Variants in C19orf38 observed in about 807,000 individuals in gnomAD.
C19orf38 encodes chromosome 19 open reading frame 38.
C19orf38 carries 14 observed loss-of-function variants against 26.6 expected under a neutral mutation model. The observed-to-expected ratio is 0.53, with a 90% confidence interval of 0.35 to 0.82. The LOEUF (loss-of-function observed/expected upper bound fraction) is 0.82. Among genes scored for constraint, C19orf38 ranks in the 40% least tolerant of loss-of-function variants. C19orf38 has a pLI of 0.01. For missense variants in C19orf38, 261 were observed against 299.5 expected (o/e 0.87, Z 0.95); for synonymous variants, 132 against 128.5 (o/e 1.03, Z -0.18).
In C19orf38 at chr19:10,841,797, ATCCCATC is replaced by A. The variant is rs1345673304; in HGVS notation, c.-69+5031_-69+5037del. The A allele has an allele frequency of 8.7e-6, 9 of 1,038,208 alleles. No homozygotes were observed. In the East Asian group the frequency reaches 2.1e-4, roughly 25 times the overall value. 64.3% of individuals were successfully genotyped at this position (1,038,208 alleles called of 1,614,324 possible). On this transcript the variant is annotated intron_variant, in intron 1 of 7. Coordinates refer to the C19orf38 transcript ENST00000592854. ...CGACTAGCCTGGGCAGCATAGTGAG[ATCCCATC>A]TCCACAAAAACATTTTTTAAAAAAT...
intron 4 of C19orf38, among the ~76,000 whole-genome samples, chr19:10,859,248 G>A (rs2073664083): frequency 1.8e-5 from 2 of 110,442 alleles, no homozygotes; most frequent in African/African-American, 7.5e-5. Context: ...TTATATATGT[G>A]TGTGTGTGTG....
intron 3 of C19orf38, among the ~76,000 whole-genome samples, 196 bp from the exon 4 acceptor site, chr19:10,858,120 C>T (rs558267911): frequency 1.4e-5 from 2 of 144,396 alleles, no homozygotes; most frequent in South Asian, 2.2e-4. Flanking sequence ...CCCAGCTACT[C>T]GAGAGGCTGA....
chr19:10,855,298 G>T (rs946986770), intron 2 of C19orf38, among the ~76,000 whole-genome samples: 5 of 151,926 alleles, frequency 3.3e-5, no homozygotes, highest in Non-Finnish European at 5.9e-5. Flanking sequence ...CTCCCAAAGG[G>T]CTGGGATTAC....
intron 2 of C19orf38, among the ~76,000 whole-genome samples, chr19:10,851,704 C>T (rs1480260074): frequency 1.3e-5 from 2 of 151,634 alleles, no homozygotes; most frequent in East Asian, 2.0e-4. Context: ...CGTGGTGGCT[C>T]ACGCCTGTAA....
intron 3 of C19orf38, among the ~76,000 whole-genome samples, chr19:10,857,602 CAG>C (rs1200261950): frequency 9.9e-5 from 15 of 150,844 alleles, no homozygotes; most frequent in Non-Finnish European, 2.1e-4. Flanking sequence ...TTAGTGGAGA[CAG>C]GGTTTCACCA....
At chr19:10,857,359 TA>T (rs1256003974) in intron 3 of C19orf38, among the ~76,000 whole-genome samples, 68 of 87,598 alleles carry the variant, frequency 7.8e-4, no homozygotes, top group African/African-American at 5.1e-3. Context: ...TATATATATA[TA>T]TATATATTTT....
intron 2 of C19orf38, among the ~76,000 whole-genome samples, chr19:10,855,081 A>G (rs2073610639): frequency 7.9e-6 from 1 of 126,778 alleles, no homozygotes. Flanking sequence ...TGTGTCACCC[A>G]GACTGGAAGG....
chr19:10,843,989 T>G (rs1479080282), upstream of C19orf38, among the ~76,000 whole-genome samples: 1 of 152,086 alleles, frequency 6.6e-6, no homozygotes, highest in Non-Finnish European at 1.5e-5. Flanking sequence ...GGTGCATGCC[T>G]GTAATCCCAG....
At chr19:10,843,007 A>T (rs2073490487) in intron 1 of C19orf38, among the ~76,000 whole-genome samples, 1 of 152,136 alleles carries the variant, frequency 6.6e-6, no homozygotes, top group African/African-American at 2.4e-5. Context: ...AATTTTTTTG[A>T]GCGACAGAAC....
At chr19:10,846,373 AT>A (rs980004902), upstream of C19orf38, among the ~76,000 whole-genome samples, 91 of 150,630 alleles carry the variant, frequency 6.0e-4, no homozygotes, top group Non-Finnish European at 1.0e-3. Flanking sequence ...ATTAAAAAAA[AT>A]TTTTTTTTAA....
At chr19:10,839,880 A>G (rs1260454443) in intron 1 of C19orf38, among the ~76,000 whole-genome samples, 2 of 151,980 alleles carry the variant, frequency 1.3e-5, no homozygotes, top group Non-Finnish European at 2.9e-5. Context: ...GCACGCCACC[A>G]CACCTGGCTA....
At chr19:10,840,518 T>TTTTTG (rs1396148700) in intron 1 of C19orf38, among the ~76,000 whole-genome samples, 5 of 152,112 alleles carry the variant, frequency 3.3e-5, no homozygotes, top group South Asian at 2.1e-4. Flanking sequence ...TTTGTTTTTG[T>TTTTTG]TTTTGTTTTG....
At chr19:10,857,351 TA>T (rs2073637074) in intron 3 of C19orf38, among the ~76,000 whole-genome samples, 2 of 77,802 alleles carry the variant, frequency 2.6e-5, no homozygotes, top group African/African-American at 2.1e-4. Flanking sequence ...TATATATATA[TA>T]TATATATATA....
chr19:10,861,390 CTG>C (rs1284769713), intron 5 of C19orf38, among the ~76,000 whole-genome samples: 2 of 152,198 alleles, frequency 1.3e-5, no homozygotes, highest in Non-Finnish European at 2.9e-5. Context: ...AATGTATTCT[CTG>C]TACTTCATTC....
At position 10,869,472 on chromosome 19, in the gene C19orf38, C is replaced by A; in HGVS notation, c.*105C>A. 1.4e-6 allele frequency: 2 copies of A among 1,387,470 alleles called. No individual in the cohort carries two copies. The highest frequency in any genetic ancestry group is 9.5e-7 in the Non-Finnish European group (1 of 1,050,566). 85.9% of individuals were successfully genotyped at this position (1,387,470 alleles called of 1,614,324 possible). ...TCAGCCACTTTCTCAGGGAATTGGA[C>A]AGAGGAAAGGAAGGGGAACCCTGGC... is the stretch of plus-strand genomic sequence containing the variant. On this transcript the variant is annotated 3_prime_UTR_variant, in exon 7 of 7. Transcript: ENST00000397820.
Position 10,869,565 on chromosome 19 carries a change from C to A in C19orf38, c.*198C>A. 1.4e-6 allele frequency: 1 copy of A among 727,352 alleles called. No homozygotes were observed. Among genetic ancestry groups the A allele is most frequent in the Non-Finnish European group, 2.1e-6 (1 of 478,006 alleles). 45.1% of individuals were successfully genotyped at this position (727,352 alleles called of 1,614,324 possible). A position where few individuals can be genotyped will look rare whatever the true frequency, so the allele number is the denominator to read the frequency against. ...CATGGGCCTGGCACTATACAGACAA[C>A]AGGAAGTTCCCCTCTCGACCTTCGG... On this transcript the variant is annotated 3_prime_UTR_variant, in exon 7 of 7. Transcript: ENST00000397820.
intron 2 of C19orf38, among the ~76,000 whole-genome samples, chr19:10,855,030 CTTTTTTTTT>C (rs33999724): frequency 1.3e-5 from 1 of 77,754 alleles, no homozygotes; most frequent in Non-Finnish European, 2.4e-5. Context: ...GATATATATT[CTTTTTTTTT>C]TTTTTTTTTT....
chr19:10,841,494 A>C (rs555956628), intron 1 of C19orf38, among the ~76,000 whole-genome samples: 12 of 152,116 alleles, frequency 7.9e-5, no homozygotes, highest in Non-Finnish European at 1.5e-4. Context: ...AACACACACA[A>C]AAAAATACCC....
intron 2 of C19orf38, 107 bp downstream of exon 2, chr19:10,850,674 A>G: frequency 1.7e-6 from 2 of 1,212,032 alleles, no homozygotes; most frequent in Non-Finnish European, 2.3e-6. Context: ...CCAGGCTTAC[A>G]CCCTGCCAGG....
Sources: allele counts gnomAD v4.1 joint callset (sites outside exome capture counted in the v4.1 genomes callset), GRCh38; gene constraint gnomAD v4.1.1; transcripts MANE v1.5; gene names NCBI Gene and HGNC (gene_info 2026-07-23, HGNC 2026-07-21).